The following USP8 variants were observed in gnomAD, a reference collection of about 807,000 sequenced individuals.
USP8 encodes the protein ubiquitin specific peptidase 8, also known as ubiquitin carboxyl-terminal hydrolase 8.
In USP8, 27 loss-of-function variants were observed where a neutral mutation model predicts 130.0. The ratio of observed to expected loss-of-function variants is 0.21; its 90% CI spans 0.15 to 0.29. USP8 has a LOEUF of 0.29. USP8 is among the 10% of genes least tolerant of loss of function. The pLI, the probability that USP8 is intolerant of heterozygous loss-of-function variation, is 1.00. For synonymous variants in USP8, 392 were observed against 444.1 expected (o/e 0.88, Z 1.48); for missense variants, 1,029 against 1,312.2 (o/e 0.78, Z 3.33).
At chr15:50,498,386 C>T (rs1287482434) in intron 18 of USP8, 1 of 553,442 alleles carries the variant, frequency 1.8e-6, no homozygotes, top group Non-Finnish European at 3.0e-6. Flanking sequence ...ACCTTAGGCA[C>T]ATCATTAAAT....
rs773846320 is a variant in USP8, at chr15:50,471,759, A to G, written c.813A>G (p.Gly271=). The stretch of plus-strand genomic sequence containing the variant: ...GTTCTGCCAAAGATTTACAGATTGG[A>G]ACAACTCTCCGGAGTCTGAAAGATG... ...WFSSAKDLQI[G]TTLRSLKDAL... The change falls in exon 8 of 20, where the codon GGA becomes GGG. Residue 271 remains glycine, a synonymous_variant. Coordinates refer to ENST00000307179, the MANE Select transcript of USP8 (RefSeq NM_005154.5). The G allele has an allele frequency of 1.2e-6, 2 of 1,614,106 alleles. No individual in the cohort carries two copies. The highest frequency in any genetic ancestry group is 1.7e-6 in the Non-Finnish European group (2 of 1,180,020).
At chr15:50,471,610 A>G (rs1281338355) in intron 7 of USP8, 23 bp from the exon 8 acceptor site, 2 of 1,601,624 alleles carry the variant, frequency 1.2e-6, no homozygotes, top group African/African-American at 2.7e-5. Flanking sequence ...TTTTGCCCCA[A>G]TTTAAATATT....
rs113450225 is a variant in USP8, at chr15:50,468,359, C to A, written c.686+3168C>A. On this transcript the variant is annotated intron_variant, in intron 7 of 19. Transcript: ENST00000307179. ...CAATTGATCCTCATGTCTCATGTCTCAGCCTCCCAAGTGGCTGGGATTATA... is the reference window on the plus strand; with the variant it reads ...CAATTGATCCTCATGTCTCATGTCTAAGCCTCCCAAGTGGCTGGGATTATA... 5.4e-3 allele frequency among the ~76,000 whole-genome samples: 812 copies of A among 150,988 alleles called. 10 individuals are homozygous for A. Among genetic ancestry groups the A allele is most frequent in the African/African-American group, 0.019 (768 of 41,104 alleles).
Position 50,505,501 on chromosome 15 carries a change from G to C in USP8, c.*6413G>C, listed in dbSNP as rs2052646493. 2 of 152,184 alleles carry C rather than the reference G, an allele frequency of 1.3e-5. No homozygotes were observed. Among genetic ancestry groups the C allele is most frequent in the Admixed American group, 1.3e-4 (2 of 15,266 alleles). The allele number at this position is 152,184 out of a possible 1,614,324, so 9.4% of individuals were successfully genotyped here. ...CAGGATAACAGACCCTCACTGAAAA[G>C]CCTACTGAAATATATGCCACATGAA... On this transcript the variant is annotated 3_prime_UTR_variant, in exon 20 of 20. Transcript: ENST00000307179.
intron 10 of USP8, 74 bp downstream of exon 10, chr15:50,477,573 CT>C: frequency 7.3e-7 from 1 of 1,368,910 alleles, no homozygotes; most frequent in Middle Eastern, 2.7e-4. Flanking sequence ...GGCACAGTGC[CT>C]CACGCCTGTA....
intron 18 of USP8, chr15:50,498,359 A>T (rs62019115): frequency 4.7e-6 from 2 of 426,346 alleles, no homozygotes; most frequent in African/African-American, 2.0e-5. Context: ...TCCTACCTCT[A>T]CCATTCTGGC....
chr15:50,465,221 T>G, intron 7 of USP8, 30 bp downstream of exon 7: 1 of 1,602,352 alleles, frequency 6.2e-7, no homozygotes, highest in Non-Finnish European at 8.5e-7. Flanking sequence ...AGTAGTAAAC[T>G]GTGTAGTAAG....
intron 11 of USP8, among the ~76,000 whole-genome samples, chr15:50,483,226 G>A (rs190230670): frequency 6.6e-5 from 10 of 152,322 alleles, no homozygotes; most frequent in Admixed American, 5.9e-4. Flanking sequence ...GGATCACATA[G>A]ACAGTGAGAT....
At chr15:50,489,063 G>T (rs2052066189) in intron 12 of USP8, among the ~76,000 whole-genome samples, 1 of 152,110 alleles carries the variant, frequency 6.6e-6, no homozygotes, top group African/African-American at 2.4e-5. Context: ...ATAGAAATGG[G>T]TGGTTCATCA....
intron 12 of USP8, chr15:50,489,390 G>A (rs1486701953): frequency 6.4e-6 from 1 of 155,810 alleles, no homozygotes; most frequent in Non-Finnish European, 1.4e-5. Flanking sequence ...GAATACATTA[G>A]GTTTATATTT....
In USP8 at chr15:50,490,294, A is replaced by G. The variant is rs752531593; in HGVS notation, c.2003A>G (p.Tyr668Cys). The G allele has an allele frequency of 1.2e-6, 2 of 1,610,086 alleles. No homozygotes were observed. Among genetic ancestry groups the G allele is most frequent in the Non-Finnish European group, 8.5e-7 (1 of 1,178,884 alleles). Reference sequence around the variant, plus strand: ...GACCCAATCACTGGAACCTTTCGTTATTATCATTCACCCACCAACACTGTT... The same window carrying G: ...GACCCAATCACTGGAACCTTTCGTTGTTATCATTCACCCACCAACACTGTT... ...FLDPITGTFR[Y>C]YHSPTNTVHM... The change falls in exon 14 of 20, where the codon TAT becomes TGT. Residue 668 changes from tyrosine to cysteine, a missense_variant. By Grantham distance (194) the Tyr-to-Cys change is radical. This residue lies in a region of USP8 where 486 missense variants were observed against 522.0 expected (regional missense o/e 0.93). Coordinates refer to ENST00000307179, the MANE Select transcript of USP8 (RefSeq NM_005154.5).
intron 11 of USP8, among the ~76,000 whole-genome samples, chr15:50,482,290 A>G (rs1409656481): frequency 1.3e-5 from 2 of 152,348 alleles, no homozygotes; most frequent in East Asian, 1.9e-4. Context: ...TGTATATTAC[A>G]TCTATAAAAT....
chr15:50,472,623 A>G (rs2051419201), intron 8 of USP8, among the ~76,000 whole-genome samples: 1 of 146,852 alleles, frequency 6.8e-6, no homozygotes, highest in African/African-American at 2.5e-5. Context: ...AAATATTGCA[A>G]GGCAGGGCCA....
intron 1 of USP8, chr15:50,432,356 A>G (rs1199570261): frequency 6.6e-6 from 1 of 152,204 alleles, no homozygotes; most frequent in Non-Finnish European, 1.5e-5. Context: ...AATACTCAAC[A>G]TAAATATCTG....
In USP8 at chr15:50,509,209, T is replaced by C. The variant is rs1425247680; in HGVS notation, c.*10121T>C. The C allele has an allele frequency of 1.3e-5, 2 of 149,630 alleles. No homozygotes were observed. Among genetic ancestry groups the C allele is most frequent in the South Asian group, 4.2e-4 (2 of 4,710 alleles). The allele number at this position is 149,630 out of a possible 1,614,324, so 9.3% of individuals were successfully genotyped here. ...TGTTGTGCCTGTAGTTCCATCTACT[T>C]GGGAGGCTGAGGTGGGAGGATGGCT... On this transcript the variant is annotated 3_prime_UTR_variant, in exon 20 of 20. Coordinates refer to ENST00000307179, the MANE Select transcript of USP8 (RefSeq NM_005154.5).
At chr15:50,478,806 A>G (rs928915136) in intron 10 of USP8, among the ~76,000 whole-genome samples, 1 of 152,144 alleles carries the variant, frequency 6.6e-6, no homozygotes, top group Non-Finnish European at 1.5e-5. Flanking sequence ...TGTAATCCCA[A>G]CACTTTAGGA....
At chr15:50,489,246 G>A (rs538477240) in intron 12 of USP8, among the ~76,000 whole-genome samples, 1 of 152,170 alleles carries the variant, frequency 6.6e-6, no homozygotes, top group South Asian at 2.1e-4. Context: ...GATGACTTTA[G>A]GTAGATTTAG....
intron 2 of USP8, among the ~76,000 whole-genome samples, chr15:50,440,055 G>T (rs547298258): frequency 1.1e-4 from 16 of 152,234 alleles, no homozygotes; most frequent in African/African-American, 3.6e-4. Flanking sequence ...ACTCCAGCCT[G>T]GGTGACAGAG....
chr15:50,476,987 A>C lies in USP8; in HGVS notation c.988A>C (p.Ile330Leu). 1.2e-6 allele frequency: 2 copies of C among 1,604,546 alleles called. No individual in the cohort carries two copies. The highest frequency in any genetic ancestry group is 1.7e-6 in the Non-Finnish European group (2 of 1,178,152). The part of the protein sequence containing the change: ...PPRRQNEEVS[I>L]SLDFTYPSLE... ...ACGACGCCAGAATGAAGAGGTGTCT[A>C]TCTCATGTATGTATGTGAAAATTTT... Residue 330 changes from isoleucine (I) to leucine (L), a missense_variant, in exon 9 of 20, where the codon ATC (isoleucine) becomes CTC (leucine). Physicochemically the swap from Ile to Leu is conservative, Grantham distance 5. Around this residue, in one of 4 missense-constraint regions of USP8, gnomAD observed 486 missense variants for 522.0 expected, o/e 0.93. Coordinates refer to ENST00000307179, the MANE Select transcript of USP8 (RefSeq NM_005154.5).
Sources: allele counts gnomAD v4.1 joint callset (sites outside exome capture counted in the v4.1 genomes callset), GRCh38; gene constraint gnomAD v4.1.1; regional missense constraint gnomAD v4.1.1; transcripts MANE v1.5; gene names NCBI Gene and HGNC (gene_info 2026-07-23, HGNC 2026-07-21).